FTO: variants seen among roughly 807,000 people sequenced by gnomAD.
The protein encoded by FTO is alpha-ketoglutarate-dependent dioxygenase FTO.
Under a neutral mutation model 63.9 loss-of-function variants are expected in FTO, and 47 were observed. That is an observed-to-expected ratio of 0.74 (90% CI 0.58 to 0.94). The LOEUF is 0.94. FTO is among the 40% of genes least tolerant of loss of function. The pLI, the probability that FTO is intolerant of heterozygous loss-of-function variation, is 0.00. For synonymous variants in FTO, 207 were observed against 224.4 expected (o/e 0.92, Z 0.69); for missense variants, 562 against 618.1 (o/e 0.91, Z 0.96).
At chr16:53,888,439 C>CCAATTTATTATTAAAAATAAAAATAAA (rs2081064265) in intron 6 of FTO, among the ~76,000 whole-genome samples, 1 of 63,638 alleles carries the variant, frequency 1.6e-5, no homozygotes, top group African/African-American at 5.5e-5. Context: ...TTATTAGTAG[C>CCAATTTATTATTAAAAATAAAAATAAA]TTGGCCAATT....
At chr16:53,910,371 A>C (rs984261048) in intron 7 of FTO, among the ~76,000 whole-genome samples, 5 of 152,104 alleles carry the variant, frequency 3.3e-5, no homozygotes, top group Non-Finnish European at 5.9e-5. Context: ...AAGTGATCCA[A>C]TCGACCCATT....
rs1298973407 is a variant in FTO, at chr16:54,113,455, A to G, written c.*1540A>G. The G allele has an allele frequency of 6.6e-6, 1 of 152,212 alleles. No homozygotes were observed. The highest frequency in any genetic ancestry group is 1.5e-5 in the Non-Finnish European group (1 of 68,050). 9.4% of individuals were successfully genotyped at this position (152,212 alleles called of 1,614,324 possible). ...ATTCCCATGAATGCAGTTAATAGCC[A>G]CAGAAATGTCACATTAAGCAAAGCA... On this transcript the variant is annotated 3_prime_UTR_variant, in exon 9 of 9. Transcript: ENST00000471389.
At chr16:53,784,226 G>C (rs919514727) in intron 1 of FTO, among the ~76,000 whole-genome samples, 1 of 152,182 alleles carries the variant, frequency 6.6e-6, no homozygotes, top group Non-Finnish European at 1.5e-5. Flanking sequence ...GCTCTGCAAA[G>C]TATACTTGCT....
chr16:53,888,318 C>T (rs904813649), intron 6 of FTO, among the ~76,000 whole-genome samples: 1 of 106,092 alleles, frequency 9.4e-6, no homozygotes, highest in African/African-American at 2.9e-5. Context: ...ATCCTCTTGC[C>T]TCAGCCTCCC....
At chr16:53,866,830 A>T (rs566956052) in intron 4 of FTO, among the ~76,000 whole-genome samples, 1 of 152,038 alleles carries the variant, frequency 6.6e-6, no homozygotes, top group South Asian at 2.1e-4. Context: ...GCTTTCATTA[A>T]GTTTCTTTAT....
chr16:53,855,277 A>C (rs1005474583), intron 4 of FTO, among the ~76,000 whole-genome samples: 1 of 151,990 alleles, frequency 6.6e-6, no homozygotes, highest in African/African-American at 2.4e-5. Context: ...GATGCCCTTT[A>C]TTTCTTTCCT....
At chr16:54,086,481 G>T (rs1458503750) in intron 8 of FTO, among the ~76,000 whole-genome samples, 4 of 147,490 alleles carry the variant, frequency 2.7e-5, no homozygotes, top group Non-Finnish European at 5.9e-5. Context: ...CCGAGCAGTT[G>T]TTCTGTTGCC....
intron 8 of FTO, among the ~76,000 whole-genome samples, chr16:54,012,446 A>T (rs1289218944): frequency 1.3e-5 from 2 of 152,220 alleles, no homozygotes; most frequent in East Asian, 3.8e-4. Flanking sequence ...AAGTGCTGAT[A>T]CAGAGGCTGC....
rs73611634 is a variant in FTO, at chr16:53,910,546, T to G, written c.1239+21595T>G. ...TGGTAAATTCAGAGTTTTTGTTGAT[T>G]GTTAGTTTGAGACTCAGTCTTACTG... On this transcript the variant is annotated intron_variant, in intron 7 of 8. Transcript: ENST00000471389. Among the ~76,000 whole-genome samples the G allele has an allele frequency of 2.5e-3, 385 of 152,198 alleles. 1 individual carries two copies. Among genetic ancestry groups the G allele is most frequent in the African/African-American group, 8.9e-3 (368 of 41,510 alleles).
At chr16:53,762,775 G>A (rs1237541273) in intron 1 of FTO, among the ~76,000 whole-genome samples, 1 of 152,140 alleles carries the variant, frequency 6.6e-6, no homozygotes, top group Non-Finnish European at 1.5e-5. Flanking sequence ...ACAAAAGCAA[G>A]GCTCCTTTTG....
At chr16:53,914,458 A>C (rs889844676) in intron 7 of FTO, among the ~76,000 whole-genome samples, 4 of 152,106 alleles carry the variant, frequency 2.6e-5, no homozygotes, top group Non-Finnish European at 5.9e-5. Context: ...TTAAAAATAC[A>C]AACTATTTTT....
At chr16:54,015,282 A>G (rs1233185229) in intron 8 of FTO, among the ~76,000 whole-genome samples, 2 of 152,232 alleles carry the variant, frequency 1.3e-5, no homozygotes, top group Non-Finnish European at 2.9e-5. Flanking sequence ...AGTATTAAAC[A>G]TCAACATTAC....
intron 1 of FTO, among the ~76,000 whole-genome samples, chr16:53,742,191 C>A (rs1024998308): frequency 1.3e-5 from 2 of 152,044 alleles, no homozygotes; most frequent in Non-Finnish European, 2.9e-5. Flanking sequence ...TATCAGGAGG[C>A]AGGGATTATT....
rs190021476 is a variant in FTO, at chr16:53,785,569, A to G, written c.46-24571A>G. ...TTTGAAGGACAGAAAGAAGGCCTAC[A>G]TGATTTGAGAATGGTGGAGAGAGAG... is the stretch of plus-strand genomic sequence containing the variant. On this transcript the variant is annotated intron_variant, in intron 1 of 8. Transcript: ENST00000471389. 7.9e-5 allele frequency among the ~76,000 whole-genome samples: 12 copies of G among 152,276 alleles called. No homozygotes were observed. In the East Asian group the frequency reaches 2.1e-3, roughly 27 times the overall value.
At chr16:54,006,421 T>A (rs1350410355) in intron 8 of FTO, among the ~76,000 whole-genome samples, 1 of 152,226 alleles carries the variant, frequency 6.6e-6, no homozygotes, top group East Asian at 1.9e-4. Context: ...CATATTTTTG[T>A]TGATTATTTA....
chr16:54,075,973 C>T (rs2085982508), intron 8 of FTO, among the ~76,000 whole-genome samples: 2 of 152,024 alleles, frequency 1.3e-5, no homozygotes, highest in African/African-American at 2.4e-5. Context: ...CTAGAATATG[C>T]GAGGCCGGAT....
chr16:54,074,044 A>G (rs1599320629), intron 8 of FTO, among the ~76,000 whole-genome samples: 2 of 152,146 alleles, frequency 1.3e-5, no homozygotes, highest in East Asian at 3.9e-4. Flanking sequence ...AAACTGTTTT[A>G]TCAGGACTTG....
At chr16:53,923,175 C>G (rs1469204772) in intron 7 of FTO, 2 of 152,196 alleles carry the variant, frequency 1.3e-5, no homozygotes, top group African/African-American at 4.8e-5. Flanking sequence ...AATCAAATCC[C>G]ATTTCCTATC....
intron 1 of FTO, among the ~76,000 whole-genome samples, chr16:53,724,361 C>CT (rs1598494190): frequency 6.6e-6 from 1 of 152,208 alleles, no homozygotes; most frequent in Non-Finnish European, 1.5e-5. Context: ...AGGTGTTGGT[C>CT]TACACCAGTG....
Sources: gnomAD v4.1 joint callset for allele counts (sites outside exome capture counted in the v4.1 genomes callset) on GRCh38, gnomAD v4.1.1 for gene constraint, MANE v1.5 for transcripts, NCBI Gene and HGNC (gene_info 2026-07-23, HGNC 2026-07-21) for gene names.